ROBO1: variants seen among roughly 807,000 people sequenced by gnomAD.
ROBO1 encodes the protein roundabout guidance receptor 1.
A neutral mutation model predicts 195.9 loss-of-function variants in ROBO1; 149 were observed. The observed-to-expected ratio is 0.76, with a 90% CI of 0.67 to 0.87. The LOEUF (loss-of-function observed/expected upper bound fraction) is 0.87. ROBO1 is among the 40% of genes least tolerant of loss of function. The pLI, the probability that ROBO1 is intolerant of heterozygous loss-of-function variation, is 0.00. For synonymous variants in ROBO1, 816 were observed against 733.2 expected (o/e 1.11, Z -1.82); for missense variants, 1,933 against 2,068.3 (o/e 0.93, Z 1.27).
chr3:79,405,575 T>C (rs1374044101), intron 2 of ROBO1, among the ~76,000 whole-genome samples: 2 of 152,208 alleles, frequency 1.3e-5, no homozygotes, highest in Non-Finnish European at 2.9e-5. Flanking sequence ...TTACTTTTTA[T>C]TTTACTTCAT....
At chr3:78,756,338 A>C (rs2082930935) in intron 4 of ROBO1, among the ~76,000 whole-genome samples, 1 of 152,212 alleles carries the variant, frequency 6.6e-6, no homozygotes, top group Non-Finnish European at 1.5e-5. Context: ...AAAATGAATA[A>C]CACACTAAAG....
intron 3 of ROBO1, among the ~76,000 whole-genome samples, chr3:78,970,839 T>C (rs1023492970): frequency 1.3e-5 from 2 of 151,972 alleles, no homozygotes; most frequent in Non-Finnish European, 2.9e-5. Flanking sequence ...CAGTTAGTAA[T>C]AGGGCTACGA....
chr3:79,402,271 C>G (rs2037395422), intron 2 of ROBO1, among the ~76,000 whole-genome samples: 1 of 151,856 alleles, frequency 6.6e-6, no homozygotes, highest in South Asian at 2.1e-4. Context: ...AATCTTTTAT[C>G]AACCTGCCTG....
intron 5 of ROBO1, among the ~76,000 whole-genome samples, chr3:78,721,606 T>G (rs1033597887): frequency 8.6e-5 from 13 of 151,878 alleles, no homozygotes; most frequent in Admixed American, 8.5e-4. Context: ...GTTTTAAGAG[T>G]GAGTAAGTGT....
At chr3:78,990,336 T>C (rs541396448) in intron 3 of ROBO1, among the ~76,000 whole-genome samples, 3 of 152,298 alleles carry the variant, frequency 2.0e-5, no homozygotes, top group Non-Finnish European at 4.4e-5. Flanking sequence ...AGGAGAGCTG[T>C]GGAGTGTCCC....
At chr3:78,986,176 G>T (rs1363713217) in intron 3 of ROBO1, among the ~76,000 whole-genome samples, 1 of 152,086 alleles carries the variant, frequency 6.6e-6, no homozygotes, top group Non-Finnish European at 1.5e-5. Flanking sequence ...TGAGCCAAAA[G>T]GGAATGATAG....
At chr3:78,612,230 T>C (rs1469374271) in intron 28 of ROBO1, among the ~76,000 whole-genome samples, 1 of 152,130 alleles carries the variant, frequency 6.6e-6, no homozygotes, top group Non-Finnish European at 1.5e-5. Context: ...GTATTGACAA[T>C]AATCAAACTC....
intron 4 of ROBO1, among the ~76,000 whole-genome samples, chr3:78,838,415 G>A (rs1308632202): frequency 1.3e-5 from 2 of 152,160 alleles, no homozygotes; most frequent in African/African-American, 2.4e-5. Flanking sequence ...GAATATCTAA[G>A]ACTGGGTAAT....
chr3:79,759,348 C>A (rs1704572539), intron 1 of ROBO1, among the ~76,000 whole-genome samples: 1 of 152,146 alleles, frequency 6.6e-6, no homozygotes, highest in African/African-American at 2.4e-5. Context: ...TGATCAGAAG[C>A]TGTTGGCTGT....
intron 5 of ROBO1, among the ~76,000 whole-genome samples, chr3:78,731,805 C>T (rs1213102711): frequency 6.6e-6 from 1 of 152,096 alleles, no homozygotes; most frequent in Non-Finnish European, 1.5e-5. Flanking sequence ...AGCTTAACAT[C>T]TGAAAAACAT....
chr3:78,723,171 C>G (rs1051623729), intron 5 of ROBO1, among the ~76,000 whole-genome samples: 1 of 152,054 alleles, frequency 6.6e-6, no homozygotes, highest in Non-Finnish European at 1.5e-5. Context: ...GTTGTAAGAT[C>G]GTTTCCAGTG....
At chr3:79,569,206 A>G (rs964598577) in intron 2 of ROBO1, among the ~76,000 whole-genome samples, 1 of 152,198 alleles carries the variant, frequency 6.6e-6, no homozygotes, top group African/African-American at 2.4e-5. Flanking sequence ...CTCGCTGACA[A>G]TTTATTAAAG....
intron 1 of ROBO1, among the ~76,000 whole-genome samples, chr3:79,595,919 C>T (rs1260575599): frequency 6.6e-6 from 1 of 151,770 alleles, no homozygotes; most frequent in African/African-American, 2.4e-5. Context: ...CTAAAGATTG[C>T]CTGTCCTTGT....
chr3:79,732,076 T>A (rs1018968036), intron 1 of ROBO1, among the ~76,000 whole-genome samples: 5 of 152,076 alleles, frequency 3.3e-5, no homozygotes, highest in African/African-American at 7.2e-5. Flanking sequence ...GTCTACACCC[T>A]CTAGGTTTGT....
chr3:78,897,039 C>T (rs2037281064), intron 4 of ROBO1, among the ~76,000 whole-genome samples: 1 of 152,166 alleles, frequency 6.6e-6, no homozygotes, highest in African/African-American at 2.4e-5. Flanking sequence ...TGCATGCATG[C>T]ACACACAATT....
rs1298229527 is a variant in ROBO1, at chr3:78,647,785, CA to C, written c.2813-131del. 1.5e-5 allele frequency: 12 copies of C among 805,208 alleles called. No individual in the cohort carries two copies. The African/African-American group carries it at 2.1e-4, about 14-fold the overall frequency. 49.9% of individuals were successfully genotyped at this position (805,208 alleles called of 1,614,324 possible). ...TAAATAACTAAGCCAGTAGTTCTGA[CA>C]ATCTGATCTATGAATAAAACCAATT... is the stretch of plus-strand genomic sequence containing the variant. On this transcript the variant is annotated intron_variant, in intron 19 of 30. Transcript: ENST00000464233.
chr3:79,411,552 C>T (rs948190656), intron 2 of ROBO1, among the ~76,000 whole-genome samples: 33 of 152,242 alleles, frequency 2.2e-4, no homozygotes, highest in African/African-American at 7.5e-4. Flanking sequence ...AATTTTATTA[C>T]ATATCTAGCA....
chr3:79,575,410 TAACA>T (rs1464198488), intron 2 of ROBO1, among the ~76,000 whole-genome samples: 17 of 127,744 alleles, frequency 1.3e-4, no homozygotes, highest in Non-Finnish European at 2.1e-4. Context: ...TAAATATAGA[TAACA>T]AATATATATA....
At chr3:78,989,063 G>A (rs2077175732) in intron 3 of ROBO1, among the ~76,000 whole-genome samples, 2 of 152,250 alleles carry the variant, frequency 1.3e-5, no homozygotes, top group South Asian at 4.1e-4. Context: ...AGGTAGATAG[G>A]AGGAATAAGT....
Sources: gnomAD v4.1 joint callset for allele counts (sites outside exome capture counted in the v4.1 genomes callset) on GRCh38, gnomAD v4.1.1 for gene constraint, MANE v1.5 for transcripts, NCBI Gene and HGNC (gene_info 2026-07-23, HGNC 2026-07-21) for gene names.